NEBL: variants seen among roughly 807,000 people sequenced by gnomAD.
NEBL encodes nebulette.
NEBL carries 122 observed loss-of-function variants against 140.2 expected under a neutral mutation model. The observed-to-expected ratio is 0.87, with a 90% CI of 0.75 to 1.01. NEBL has a LOEUF of 1.01. Among genes scored for constraint, NEBL ranks in the 50% least tolerant of loss-of-function variants. The pLI is 0.00. For missense variants in NEBL, 1,365 were observed against 1,231.3 expected (o/e 1.11, Z -1.62); for synonymous variants, 436 against 398.9 (o/e 1.09, Z -1.11).
At chr10:20,933,321 CACA>C (rs1834295413) in intron 4 of NEBL, among the ~76,000 whole-genome samples, 1 of 152,134 alleles carries the variant, frequency 6.6e-6, no homozygotes, top group Non-Finnish European at 1.5e-5. Context: ...CTAGTTTTTT[CACA>C]ACAAATATGA....
chr10:21,249,925 G>T lies in NEBL; in HGVS notation n.279+1807C>A, dbSNP rs12762123. Among the ~76,000 whole-genome samples, 8 of 151,996 alleles carry T rather than the reference G, an allele frequency of 5.3e-5. No individual in the cohort carries two copies. In the East Asian group the frequency reaches 1.5e-3, roughly 29 times the overall value. On this transcript the variant is annotated intron_variant and non_coding_transcript_variant, in intron 2 of 8. Coordinates refer to the NEBL transcript ENST00000675702. ...ATAAAAATATAAAAATTGACTGGGT[G>T]TGGTGGTACACACCTGTAATCCCAG...
chr10:21,015,339 A>T (rs893257087), intron 3 of NEBL, among the ~76,000 whole-genome samples: 4 of 152,280 alleles, frequency 2.6e-5, no homozygotes, highest in South Asian at 2.1e-4. Flanking sequence ...TCAAAATGTC[A>T]TCGGAAGAAC....
intron 3 of NEBL, among the ~76,000 whole-genome samples, chr10:20,981,085 C>A (rs1199680444): frequency 6.6e-6 from 1 of 151,684 alleles, no homozygotes; most frequent in Non-Finnish European, 1.5e-5. Context: ...CCACTGTGCC[C>A]AGCCCCAACA....
rs893233106 is a variant in NEBL, at chr10:21,227,815, G to C, written n.348+20106C>G. Among the ~76,000 whole-genome samples the C allele has an allele frequency of 3.7e-3, 464 of 124,932 alleles. 7 individuals are homozygous for C. Among genetic ancestry groups the C allele is most frequent in the African/African-American group, 0.013 (432 of 32,106 alleles). 82.0% of individuals were successfully genotyped at this position (124,932 alleles called of 152,430 possible). The stretch of plus-strand genomic sequence containing the variant: ...CTTTCTTCTTCTTCTTCTTCTTCTT[G>C]TTCTTCTTCTTCTTTCTTCTTCTTC... On this transcript the variant is annotated intron_variant and non_coding_transcript_variant, in intron 3 of 8. Transcript: ENST00000675702.
At chr10:20,865,953 C>G (rs1320454950) in intron 7 of NEBL, among the ~76,000 whole-genome samples, 3 of 151,774 alleles carry the variant, frequency 2.0e-5, no homozygotes, top group African/African-American at 7.3e-5. Flanking sequence ...GCCCAGCTGG[C>G]TTCTGGGAGG....
rs1431391541 is a variant in NEBL, at chr10:21,172,580, G to A, written c.70-103C>T. The stretch of plus-strand genomic sequence containing the variant: ...TTAGTGCATCACAGTCCCTGTAGCT[G>A]AAAATATTACAACAAAAAGAGTGTA... On this transcript the variant is annotated intron_variant, in intron 1 of 6. Coordinates refer to the NEBL transcript ENST00000417816. 6.3e-6 allele frequency: 5 copies of A among 793,268 alleles called. No individual in the cohort carries two copies. In the East Asian group the frequency reaches 1.3e-4, roughly 21 times the overall value. The allele number at this position is 793,268 out of a possible 1,614,324, so 49.1% of individuals were successfully genotyped here. A position where few individuals can be genotyped will look rare whatever the true frequency, so the allele number is the denominator to read the frequency against.
intron 2 of NEBL, among the ~76,000 whole-genome samples, chr10:20,895,675 A>T (rs1456950038): frequency 1.3e-5 from 2 of 152,210 alleles, no homozygotes; most frequent in Non-Finnish European, 2.9e-5. Flanking sequence ...AGCACAAAGA[A>T]ATACTTAATT....
intron 26 of NEBL, among the ~76,000 whole-genome samples, chr10:20,795,292 G>T (rs1285754972): frequency 3.9e-5 from 6 of 152,098 alleles, no homozygotes; most frequent in African/African-American, 1.4e-4. Context: ...TGCCAGCCAG[G>T]CTTGTTAGGC....
chr10:20,931,598 C>A (rs553432610), intron 4 of NEBL, among the ~76,000 whole-genome samples: 18 of 152,260 alleles, frequency 1.2e-4, no homozygotes, highest in African/African-American at 4.3e-4. Context: ...CTGGGGGAGG[C>A]TCCTTGGCCT....
intron 3 of NEBL, among the ~76,000 whole-genome samples, chr10:21,186,538 T>C (rs915820553): frequency 6.6e-6 from 1 of 152,224 alleles, no homozygotes; most frequent in Non-Finnish European, 1.5e-5. Context: ...CATCCTCCTG[T>C]ATTCTTTAAA....
rs576205758 is a variant in NEBL, at chr10:20,813,025, C to T, written c.2347-85G>A. ...TTTATTAAATGACAGGTGTACACTG[C>T]ACTGGCTGCGTGCAGATTGTCTACA... is the stretch of plus-strand genomic sequence containing the variant. On this transcript the variant is annotated intron_variant, in intron 23 of 27. Transcript: ENST00000377122. 4.1e-5 allele frequency: 47 copies of T among 1,138,130 alleles called. No individual in the cohort carries two copies. In the African/African-American group the frequency reaches 7.2e-4, roughly 17 times the overall value. The allele number at this position is 1,138,130 out of a possible 1,614,324, so 70.5% of individuals were successfully genotyped here. A position where few individuals can be genotyped will look rare whatever the true frequency, so the allele number is the denominator to read the frequency against.
At chr10:21,200,322 T>TC (rs1335460536) in intron 3 of NEBL, among the ~76,000 whole-genome samples, 1 of 139,606 alleles carries the variant, frequency 7.2e-6, no homozygotes, top group East Asian at 2.1e-4. Context: ...TTTTTTTTTT[T>TC]TTTTTTTTTG....
intron 1 of NEBL, among the ~76,000 whole-genome samples, chr10:21,273,028 G>T (rs546081294): frequency 1.3e-5 from 2 of 152,158 alleles, no homozygotes; most frequent in Non-Finnish European, 2.9e-5. Context: ...CTAGGTACAG[G>T]AAAGAGGAAA....
At chr10:20,925,517 A>G (rs563661639) in intron 4 of NEBL, among the ~76,000 whole-genome samples, 1 of 152,268 alleles carries the variant, frequency 6.6e-6, no homozygotes, top group African/African-American at 2.4e-5. Flanking sequence ...CTCCAAAAGC[A>G]TGGACTTCCT....
At chr10:21,054,736 T>C (rs1322145318) in intron 2 of NEBL, among the ~76,000 whole-genome samples, 1 of 152,194 alleles carries the variant, frequency 6.6e-6, no homozygotes, top group African/African-American at 2.4e-5. Context: ...CCTATTAATG[T>C]CATTCAAATA....
chr10:21,011,165 T>C (rs1838323837), intron 3 of NEBL, among the ~76,000 whole-genome samples: 1 of 152,138 alleles, frequency 6.6e-6, no homozygotes, highest in Non-Finnish European at 1.5e-5. Flanking sequence ...TCTTATGCCC[T>C]GAAAAAGGTT....
chr10:20,987,324 C>T (rs1837294716), intron 3 of NEBL, among the ~76,000 whole-genome samples: 3 of 152,200 alleles, frequency 2.0e-5, no homozygotes, highest in Middle Eastern at 3.4e-3. Flanking sequence ...CCATTCCTGC[C>T]CATTGCTGCT....
intron 7 of NEBL, among the ~76,000 whole-genome samples, chr10:20,860,407 A>G (rs1315766514): frequency 6.6e-6 from 1 of 151,660 alleles, no homozygotes; most frequent in Non-Finnish European, 1.5e-5. Flanking sequence ...CATCTCCAAT[A>G]CTCTCTCTAA....
chr10:21,096,488 AGT>A (rs10541564), intron 2 of NEBL, among the ~76,000 whole-genome samples: 5,857 of 141,176 alleles, frequency 0.041, 200 homozygotes, highest in South Asian at 0.095. Context: ...CTTGGTTTTG[AGT>A]GTGTGTGTGT....
Sources: gnomAD v4.1 joint callset for allele counts (sites outside exome capture counted in the v4.1 genomes callset) on GRCh38, gnomAD v4.1.1 for gene constraint, MANE v1.5 for transcripts, NCBI Gene and HGNC (gene_info 2026-07-23, HGNC 2026-07-21) for gene names.